Variants in FSTL4 observed in about 807,000 individuals in gnomAD.
FSTL4 encodes the protein follistatin like 4.
Under a neutral mutation model 78.2 loss-of-function variants are expected in FSTL4, and 28 were observed. That is an observed-to-expected ratio of 0.36 (90% confidence interval 0.27 to 0.49). The LOEUF is 0.49. Among genes scored for constraint, FSTL4 ranks in the 20% least tolerant of loss-of-function variants. FSTL4 has a pLI of 0.98. For synonymous variants in FSTL4, 422 were observed against 440.5 expected (o/e 0.96, Z 0.53); for missense variants, 922 against 1,084.9 (o/e 0.85, Z 2.11).
chr5:133,334,707 C>T (rs1352971437), intron 4 of FSTL4, among the ~76,000 whole-genome samples: 1 of 152,194 alleles, frequency 6.6e-6, no homozygotes, highest in Non-Finnish European at 1.5e-5. Flanking sequence ...TTGTCCTCAG[C>T]CAAGCCCAGG....
At chr5:133,821,502 G>C in the FSTL4 span, among the ~76,000 whole-genome samples, 1 of 152,312 alleles carries the variant, frequency 6.6e-6, no homozygotes, top group South Asian at 2.1e-4. Context: ...TTCCTTACCA[G>C]AATAATCCTG....
intron 3 of FSTL4, among the ~76,000 whole-genome samples, chr5:133,436,191 T>C (rs979176063): frequency 4.6e-5 from 7 of 152,214 alleles, no homozygotes; most frequent in Non-Finnish European, 8.8e-5. Context: ...GCCTATGTTT[T>C]ATGGTATATG....
At chr5:133,527,969 C>T (rs700704) in intron 3 of FSTL4, among the ~76,000 whole-genome samples, 11,181 of 152,278 alleles carry the variant, frequency 0.073, 547 homozygotes, top group Non-Finnish European at 0.1. Flanking sequence ...TTAGCTCCTC[C>T]AAGCCAGATG....
chr5:133,351,475 G>A (rs527839319), intron 4 of FSTL4, among the ~76,000 whole-genome samples: 72 of 152,080 alleles, frequency 4.7e-4, no homozygotes, highest in African/African-American at 1.4e-3. Flanking sequence ...ATGGGTTCTT[G>A]TCATTGTCAC....
chr5:133,708,667 A>T, the FSTL4 span, among the ~76,000 whole-genome samples: 16 of 152,334 alleles, frequency 1.1e-4, no homozygotes, highest in East Asian at 3.1e-3. Flanking sequence ...GAGCCAAAGG[A>T]GCTGCAACTC....
intron 3 of FSTL4, among the ~76,000 whole-genome samples, chr5:133,454,532 G>C (rs994492063): frequency 1.3e-5 from 2 of 152,212 alleles, no homozygotes; most frequent in Non-Finnish European, 2.9e-5. Context: ...CACAGAGGTG[G>C]CAGATGGCTG....
chr5:133,719,453 T>C, the FSTL4 span, among the ~76,000 whole-genome samples: 1 of 152,118 alleles, frequency 6.6e-6, no homozygotes, highest in Non-Finnish European at 1.5e-5. Context: ...GTGGATCACC[T>C]GAGGTCGGGA....
chr5:133,678,001 T>TG, the FSTL4 span, among the ~76,000 whole-genome samples: 1 of 152,214 alleles, frequency 6.6e-6, no homozygotes, highest in African/African-American at 2.4e-5. Context: ...TGTTGTGGAA[T>TG]GGCTAAATTG....
chr5:133,648,247 A>G, the FSTL4 span, among the ~76,000 whole-genome samples: 2 of 152,368 alleles, frequency 1.3e-5, no homozygotes, highest in East Asian at 3.9e-4. Context: ...GATAGAAAAT[A>G]CAAATTAAAA....
chr5:133,568,855 A>T (rs1760087823), intron 2 of FSTL4, among the ~76,000 whole-genome samples: 2 of 152,220 alleles, frequency 1.3e-5, no homozygotes, highest in Non-Finnish European at 2.9e-5. Context: ...TGGTTACATA[A>T]AATTTATAAA....
the FSTL4 span, among the ~76,000 whole-genome samples, chr5:133,745,390 A>G: frequency 6.6e-6 from 1 of 152,278 alleles, no homozygotes; most frequent in Admixed American, 6.5e-5. Context: ...TCAATAGCAC[A>G]TAATTCAATA....
intron 3 of FSTL4, among the ~76,000 whole-genome samples, chr5:133,476,282 C>T (rs967488922): frequency 8.5e-5 from 13 of 152,122 alleles, no homozygotes; most frequent in African/African-American, 2.4e-4. Flanking sequence ...AGGAACTGGG[C>T]GGCTAGTGAG....
intron 6 of FSTL4, among the ~76,000 whole-genome samples, chr5:133,298,474 C>A (rs546805885): frequency 1.2e-4 from 19 of 152,348 alleles, no homozygotes; most frequent in African/African-American, 4.3e-4. Flanking sequence ...TGTCACATCA[C>A]CATTCTTTTC....
At chr5:133,316,769 A>T in intron 4 of FSTL4, 117 bp from the exon 5 acceptor site, 1 of 766,226 alleles carries the variant, frequency 1.3e-6, no homozygotes, top group Non-Finnish European at 2.1e-6. Flanking sequence ...CACTATGTGC[A>T]GTGCACGGTG....
At chr5:133,294,127 C>T (rs1221962883) in intron 6 of FSTL4, among the ~76,000 whole-genome samples, 1 of 152,154 alleles carries the variant, frequency 6.6e-6, no homozygotes, top group African/African-American at 2.4e-5. Context: ...GTGTTACACC[C>T]TCCTCTCAGT....
At chr5:133,688,500 T>C in the FSTL4 span, among the ~76,000 whole-genome samples, 8 of 152,374 alleles carry the variant, frequency 5.3e-5, no homozygotes, top group African/African-American at 1.9e-4. Flanking sequence ...ACCAGTTCTC[T>C]CTGGCATAAA....
chr5:133,667,848 A>G, the FSTL4 span, among the ~76,000 whole-genome samples: 2 of 152,244 alleles, frequency 1.3e-5, no homozygotes, highest in African/African-American at 4.8e-5. Context: ...AGGGATGTTC[A>G]TCTGTTTTAT....
chr5:133,473,328 A>G (rs949988772), intron 3 of FSTL4, among the ~76,000 whole-genome samples: 1 of 152,226 alleles, frequency 6.6e-6, no homozygotes, highest in African/African-American at 2.4e-5. Flanking sequence ...CTGCAGTATC[A>G]GCGACAGGGT....
chr5:133,256,910 A>G (rs1315330302), intron 6 of FSTL4, among the ~76,000 whole-genome samples: 1 of 152,188 alleles, frequency 6.6e-6, no homozygotes, highest in Non-Finnish European at 1.5e-5. Context: ...TTACTTTTTC[A>G]ACTGGCCTAT....
Sources: allele counts gnomAD v4.1 joint callset (sites outside exome capture counted in the v4.1 genomes callset), GRCh38; gene constraint gnomAD v4.1.1; transcripts MANE v1.5; gene names NCBI Gene and HGNC (gene_info 2026-07-23, HGNC 2026-07-21).